Variants in GRID2 observed in about 807,000 individuals in gnomAD.
GRID2 encodes the protein glutamate ionotropic receptor delta type subunit 2.
In GRID2, 33 loss-of-function variants were observed where a neutral mutation model predicts 114.8. That is an observed-to-expected ratio of 0.29 (90% CI 0.22 to 0.38). The LOEUF (loss-of-function observed/expected upper bound fraction) is 0.38, where lower values mean the gene tolerates loss of function less well. GRID2 is among the 10% of genes least tolerant of loss of function. GRID2 has a pLI of 1.00. For missense variants in GRID2, 1,184 were observed against 1,257.7 expected (o/e 0.94, Z 0.89); for synonymous variants, 505 against 449.9 (o/e 1.12, Z -1.55).
intron 2 of GRID2, among the ~76,000 whole-genome samples, chr4:92,634,025 C>A (rs967285981): frequency 3.3e-5 from 5 of 151,168 alleles, no homozygotes; most frequent in Admixed American, 3.3e-4. Context: ...CAGGGGTGTC[C>A]AATCTTTTTG....
intron 1 of GRID2, among the ~76,000 whole-genome samples, chr4:92,516,324 A>C (rs1222366980): frequency 6.6e-6 from 1 of 151,882 alleles, no homozygotes; most frequent in Non-Finnish European, 1.5e-5. Flanking sequence ...GAATTCTAGG[A>C]GTAACTTTGT....
chr4:93,120,974 TTAAAA>T (rs1417081083), intron 4 of GRID2, among the ~76,000 whole-genome samples: 1 of 151,728 alleles, frequency 6.6e-6, no homozygotes, highest in Admixed American at 6.6e-5. Flanking sequence ...ATAAAATAAA[TTAAAA>T]TAAATTTAAA....
At chr4:92,698,960 C>T (rs1734544066) in intron 2 of GRID2, among the ~76,000 whole-genome samples, 3 of 152,066 alleles carry the variant, frequency 2.0e-5, no homozygotes, top group South Asian at 4.2e-4. Context: ...GTGGTTCATT[C>T]GGACCCTGAT....
At chr4:92,320,661 A>G (rs951829185) in intron 1 of GRID2, among the ~76,000 whole-genome samples, 3 of 152,078 alleles carry the variant, frequency 2.0e-5, no homozygotes, top group Non-Finnish European at 4.4e-5. Context: ...TATTATTAGT[A>G]GAAAGAGAGT....
chr4:93,225,081 G>GCTTTTAAAAAAATACAAAAA (rs1561009712), intron 7 of GRID2, among the ~76,000 whole-genome samples: 1 of 151,790 alleles, frequency 6.6e-6, no homozygotes, highest in Non-Finnish European at 1.5e-5. Context: ...AAATACAAAA[G>GCTTTTAAAAAAATACAAAAA]GCTTTTAAAA....
chr4:93,212,473 G>A (rs1387552200), intron 5 of GRID2, among the ~76,000 whole-genome samples: 1 of 152,070 alleles, frequency 6.6e-6, no homozygotes, highest in Non-Finnish European at 1.5e-5. Flanking sequence ...ATCCAGCTCA[G>A]AGCAGCCTTT....
chr4:92,579,121 A>G (rs1728052059), intron 1 of GRID2, among the ~76,000 whole-genome samples: 1 of 152,146 alleles, frequency 6.6e-6, no homozygotes, highest in Non-Finnish European at 1.5e-5. Flanking sequence ...TGGTCTTCAT[A>G]CACCAGGAGG....
At chr4:93,644,676 A>C (rs1467922934) in intron 14 of GRID2, among the ~76,000 whole-genome samples, 1 of 152,162 alleles carries the variant, frequency 6.6e-6, no homozygotes. Context: ...GCAAGTGCAG[A>C]AATTTGCCAA....
intron 12 of GRID2, among the ~76,000 whole-genome samples, chr4:93,507,819 T>C (rs1055397554): frequency 1.3e-5 from 2 of 152,206 alleles, no homozygotes; most frequent in Admixed American, 1.3e-4. Flanking sequence ...TTTCTTTTTA[T>C]TTGCCTTGCC....
At chr4:93,534,781 T>C (rs1731858144) in intron 13 of GRID2, among the ~76,000 whole-genome samples, 1 of 151,948 alleles carries the variant, frequency 6.6e-6, no homozygotes, top group Non-Finnish European at 1.5e-5. Flanking sequence ...ATTTGATGTA[T>C]GTATACATTG....
chr4:92,934,565 AGCCTGCATC>A (rs1331534744), intron 2 of GRID2, among the ~76,000 whole-genome samples: 2 of 146,464 alleles, frequency 1.4e-5, no homozygotes, highest in African/African-American at 2.4e-5. Context: ...ACCAAAAAAG[AGCCTGCATC>A]GCCAAGTCAA....
intron 1 of GRID2, among the ~76,000 whole-genome samples, chr4:92,350,186 C>A (rs1236053662): frequency 6.6e-6 from 1 of 151,782 alleles, no homozygotes; most frequent in Non-Finnish European, 1.5e-5. Context: ...TGTATTACCT[C>A]ATTTTTTCAT....
At chr4:93,241,583 G>T (rs569918078) in intron 8 of GRID2, among the ~76,000 whole-genome samples, 1 of 151,866 alleles carries the variant, frequency 6.6e-6, no homozygotes, top group African/African-American at 2.4e-5. Context: ...TTGCATAAGG[G>T]TTTTATATTG....
chr4:92,965,450 TAAAAAAAAAAAAAAAAAAAAA>T lies in GRID2; in HGVS notation c.245-119526_245-119506del, dbSNP rs869285420. Among the ~76,000 whole-genome samples the T allele has an allele frequency of 7.1e-3, 608 of 85,780 alleles. 13 individuals carry two copies. The highest frequency in any genetic ancestry group is 8.6e-3 in the Admixed American group (81 of 9,372). The allele number at this position is 85,780 out of a possible 152,430, so 56.3% of individuals were successfully genotyped here. On this transcript the variant is annotated intron_variant, in intron 2 of 15. Transcript: ENST00000282020. The stretch of plus-strand genomic sequence containing the variant: ...AGGGTTGCCATAAACATTCAATTTG[TAAAAAAAAAAAAAAAAAAAAA>T]AAAAAAAAAAAAAAAAAACACACAA...
Position 92,820,721 on chromosome 4 carries a change from C to T in GRID2, c.244+230435C>T, listed in dbSNP as rs935904018. Among the ~76,000 whole-genome samples the T allele has an allele frequency of 1.1e-4, 16 of 152,104 alleles. 1 individual carries two copies. The highest frequency in any genetic ancestry group is 3.9e-4 in the African/African-American group (16 of 41,522). ...TATTTAGAATGCATTTTTTGTACTA[C>T]GGTTGATATTTCAGGCAACAGTGAT... On this transcript the variant is annotated intron_variant, in intron 2 of 15. Transcript: ENST00000282020.
chr4:93,254,648 A>T (rs977180350), intron 8 of GRID2, among the ~76,000 whole-genome samples: 1 of 152,126 alleles, frequency 6.6e-6, no homozygotes, highest in Admixed American at 6.6e-5. Flanking sequence ...TGACAGGCTT[A>T]TGCATTTTAG....
At chr4:92,679,397 C>A (rs1180690906) in intron 2 of GRID2, among the ~76,000 whole-genome samples, 1 of 151,958 alleles carries the variant, frequency 6.6e-6, no homozygotes, top group African/African-American at 2.4e-5. Flanking sequence ...CCATTTCTTC[C>A]TGCATACAGA....
intron 1 of GRID2, among the ~76,000 whole-genome samples, chr4:93,781,732 T>C (rs1734482388): frequency 6.6e-6 from 1 of 152,216 alleles, no homozygotes; most frequent in South Asian, 2.1e-4. Flanking sequence ...TAAACAGTTG[T>C]TATACTGTAC....
chr4:92,445,979 C>G (rs1733442686), intron 1 of GRID2, among the ~76,000 whole-genome samples: 2 of 152,196 alleles, frequency 1.3e-5, no homozygotes, highest in African/African-American at 4.8e-5. Flanking sequence ...GAGTCTCCCT[C>G]TGTAGCCCAG....
Sources: allele counts gnomAD v4.1 joint callset (sites outside exome capture counted in the v4.1 genomes callset), GRCh38; gene constraint gnomAD v4.1.1; transcripts MANE v1.5; gene names NCBI Gene and HGNC (gene_info 2026-07-23, HGNC 2026-07-21).